Variants in AVPR1B observed in about 807,000 individuals in gnomAD.
AVPR1B encodes the protein arginine vasopressin receptor 1B, also known as vasopressin V1b receptor.
A neutral mutation model predicts 27.5 loss-of-function variants in AVPR1B; 25 were observed. The ratio of observed to expected loss-of-function variants is 0.91; its 90% CI spans 0.66 to 1.27. The LOEUF (loss-of-function observed/expected upper bound fraction) is 1.27. Ranked by LOEUF, AVPR1B falls within the 50% of genes most tolerant of loss-of-function variation. AVPR1B has a pLI of 0.00. For missense variants in AVPR1B, 595 were observed against 556.9 expected (o/e 1.07, Z -0.69); for synonymous variants, 248 against 240.2 (o/e 1.03, Z -0.30).
rs1663461011 is a variant in AVPR1B, at chr1:206,116,038, CA to C, written c.852del (p.Phe284LeufsTer97). 4 of 1,614,200 alleles carry C rather than the reference CA, an allele frequency of 2.5e-6. No homozygotes were observed. The highest frequency in any genetic ancestry group is 3.4e-6 in the Non-Finnish European group (4 of 1,180,044). On this transcript the variant is annotated frameshift_variant, in exon 1 of 2. Coordinates refer to ENST00000367126, the MANE Select transcript of AVPR1B (RefSeq NM_000707.5). LOFTEE classifies it high-confidence loss of function. Reference protein sequence around the residue: ...RAKIRTVKMTFVIVLAYIACW... With the variant: ...RAKIRTVKMTXVIVLAYIACW... ...CAAGCGATGTAGGCCAGCACGATGA[CA>C]AAGGTCATCTTCACTGTTCGGATCT...
In AVPR1B at chr1:206,107,590, T is replaced by C. The variant is rs34387163; in HGVS notation, c.*2599A>G. On this transcript the variant is annotated 3_prime_UTR_variant, in exon 2 of 2. Transcript: ENST00000367126. Reference sequence around the variant, plus strand: ...TCTGGAAAAGATCAAGTGTAGCCTTTCCATGGGAGGAACAATGAGGGCTCC... The same window carrying C: ...TCTGGAAAAGATCAAGTGTAGCCTTCCCATGGGAGGAACAATGAGGGCTCC... 7.2e-4 allele frequency among the ~76,000 whole-genome samples: 110 copies of C among 152,324 alleles called. 2 individuals are homozygous for C. The East Asian group carries it at 0.019, about 26-fold the overall frequency.
chr1:206,116,065 T>C lies in AVPR1B; in HGVS notation c.826A>G (p.Lys276Glu), dbSNP rs1553290450. Residue 276 changes from lysine (K) to glutamate (E), a missense_variant, in exon 1 of 2, where the codon AAG becomes GAG. Physicochemically the swap from Lys to Glu is moderately conservative, Grantham distance 56 (BLOSUM62 1). Transcript: ENST00000367126. ...AAGGTCATCTTCACTGTTCGGATCTTGGCCCGTGAGATGGTGTTGATGCTG... is the reference window on the plus strand; with the variant it reads ...AAGGTCATCTTCACTGTTCGGATCTCGGCCCGTGAGATGGTGTTGATGCTG... The part of the protein sequence containing the change: ...VSSINTISRA[K>E]IRTVKMTFVI... 1 of 1,614,084 alleles carries C rather than the reference T, an allele frequency of 6.2e-7. No homozygotes were observed. The highest frequency in any genetic ancestry group is 1.7e-5 in the Admixed American group (1 of 60,012).
chr1:206,112,992 G>C (rs141756992), intron 1 of AVPR1B, among the ~76,000 whole-genome samples: 4 of 152,140 alleles, frequency 2.6e-5, no homozygotes, highest in Non-Finnish European at 5.9e-5. Flanking sequence ...TACAAGTTGC[G>C]GAAGATTTGG....
chr1:206,116,961 A>G lies in AVPR1B; in HGVS notation c.-71T>C. 7.3e-7 allele frequency: 1 copy of G among 1,372,760 alleles called. No homozygotes were observed. Among genetic ancestry groups the G allele is most frequent in the African/African-American group, 1.4e-5 (1 of 69,234 alleles). 85.0% of individuals were successfully genotyped at this position (1,372,760 alleles called of 1,614,324 possible). A position where few individuals can be genotyped will look rare whatever the true frequency, so the allele number is the denominator to read the frequency against. On this transcript the variant is annotated 5_prime_UTR_variant, in exon 1 of 2. Coordinates refer to ENST00000367126, the MANE Select transcript of AVPR1B (RefSeq NM_000707.5). ...CAAGTGGAGAGGTTTGATGGATAAAATGGAGTGGCAGGGGAGGTGGAGAGA... is the reference window on the plus strand; with the variant it reads ...CAAGTGGAGAGGTTTGATGGATAAAGTGGAGTGGCAGGGGAGGTGGAGAGA...
Position 206,107,051 on chromosome 1 carries a change from T to A in AVPR1B, c.*3138A>T, listed in dbSNP as rs1663291113. 1.3e-5 allele frequency among the ~76,000 whole-genome samples: 2 copies of A among 152,208 alleles called. No individual in the cohort carries two copies. The highest frequency in any genetic ancestry group is 4.8e-5 in the African/African-American group (2 of 41,448). On this transcript the variant is annotated 3_prime_UTR_variant, in exon 2 of 2. Transcript: ENST00000367126. ...CCCTGTAGTAGATAAGTGATCTATT[T>A]ACATACAAAACACAGACACATTATC... is the stretch of plus-strand genomic sequence containing the variant.
intron 1 of AVPR1B, 38 bp downstream of exon 1, chr1:206,115,913 C>T: frequency 6.5e-7 from 1 of 1,548,270 alleles, no homozygotes; most frequent in South Asian, 1.2e-5. Context: ...CTCTTTCTGT[C>T]TCTCCCACCT....
rs1553289474 is a variant in AVPR1B, at chr1:206,109,935, G to GCAGGAC, written c.*248_*253dup. 1.9e-6 allele frequency: 1 copy of GCAGGAC among 527,370 alleles called. No individual in the cohort carries two copies. Among genetic ancestry groups the GCAGGAC allele is most frequent in the African/African-American group, 1.9e-5 (1 of 52,694 alleles). 32.7% of individuals were successfully genotyped at this position (527,370 alleles called of 1,614,324 possible). On this transcript the variant is annotated 3_prime_UTR_variant, in exon 2 of 2. Transcript: ENST00000367126. ...TGTGCATGGACACCCTATGAATATG[G>GCAGGAC]CAGGACCAGGGAGACAGGCAGTTTG...
At chr1:206,114,493 T>C (rs1553290243) in intron 1 of AVPR1B, among the ~76,000 whole-genome samples, 1 of 152,126 alleles carries the variant, frequency 6.6e-6, no homozygotes, top group African/African-American at 2.4e-5. Flanking sequence ...TTAGGCTGCC[T>C]AGACACAGCC....
rs1553289679 is a variant in AVPR1B, at chr1:206,110,484, C to T, written c.980G>A (p.Gly327Asp). Residue 327 changes from glycine to aspartate, a missense_variant, in exon 2 of 2, where the codon GGC becomes GAC. Physicochemically the swap from Gly to Asp is moderately conservative, Grantham distance 94 (BLOSUM62 -1). Coordinates refer to ENST00000367126, the MANE Select transcript of AVPR1B (RefSeq NM_000707.5). ...NVAFTISMLL[G>D]NLNSCCNPWI... ...GGGGTTGCAGCAGCTGTTGAGGTTG[C>T]CCAAAAGCATAGAGATGGTGAAAGC... 1.2e-6 allele frequency: 2 copies of T among 1,613,458 alleles called. No individual in the cohort carries two copies. The highest frequency in any genetic ancestry group is 3.3e-5 in the Admixed American group (2 of 59,956).
rs528952790 is a variant in AVPR1B at position 206,109,936 on chromosome 1, C to T, written c.*253G>A. The stretch of plus-strand genomic sequence containing the variant: ...GTGCATGGACACCCTATGAATATGG[C>T]AGGACCAGGGAGACAGGCAGTTTGA... On this transcript the variant is annotated 3_prime_UTR_variant, in exon 2 of 2. Transcript: ENST00000367126. 7.3e-4 allele frequency: 387 copies of T among 528,148 alleles called. 9 individuals are homozygous for T. In the South Asian group the frequency reaches 9.2e-3, roughly 13 times the overall value. The allele number at this position is 528,148 out of a possible 1,614,324, so 32.7% of individuals were successfully genotyped here.
intron 1 of AVPR1B, among the ~76,000 whole-genome samples, 168 bp from the exon 2 acceptor site, chr1:206,110,691 C>A (rs1392466816): frequency 6.6e-6 from 1 of 152,148 alleles, no homozygotes; most frequent in Admixed American, 6.5e-5. Flanking sequence ...GAGACTTGAA[C>A]CTGGGACTCC....
chr1:206,111,732 T>A (rs28575468), intron 1 of AVPR1B, among the ~76,000 whole-genome samples: 31,236 of 152,112 alleles, frequency 0.21, 4,562 homozygotes, highest in African/African-American at 0.41. Flanking sequence ...CTCGTGGATG[T>A]GGCAACTCAT....
In AVPR1B at chr1:206,110,522, A is replaced by C. The variant is rs782797619; in HGVS notation, c.942T>G (p.Asp314Glu). 2 of 1,604,100 alleles carry C rather than the reference A, an allele frequency of 1.2e-6. No individual in the cohort carries two copies. The highest frequency in any genetic ancestry group is 2.2e-5 in the East Asian group (1 of 44,714). ...AGATGGTGAAAGCCACATTGGTGGA[A>C]TCTACCAAGAGAGAAGCATGAGAAG... ...SVWDKNAPDE[D>E]STNVAFTISM... is the part of the protein sequence containing the mutation. Residue 314 changes from aspartate to glutamate, a missense_variant and splice_region_variant, in exon 2 of 2, where the codon GAT (aspartate) becomes GAG (glutamate). Coordinates refer to ENST00000367126, the MANE Select transcript of AVPR1B (RefSeq NM_000707.5).
chr1:206,117,141 T>C lies in AVPR1B; in HGVS notation c.-251A>G. On this transcript the variant is annotated 5_prime_UTR_variant, in exon 1 of 2. Transcript: ENST00000367126. ...GAGGGAGAAGGAGGGGTCAGGAAGA[T>C]GGGGAATCAGGACGGGAAGAATGGG... is the stretch of plus-strand genomic sequence containing the variant. 2.0e-6 allele frequency: 1 copy of C among 507,714 alleles called. No individual in the cohort carries two copies. Among genetic ancestry groups the C allele is most frequent in the East Asian group, 3.4e-5 (1 of 29,726 alleles). The allele number at this position is 507,714 out of a possible 1,614,324, so 31.5% of individuals were successfully genotyped here. A position where few individuals can be genotyped will look rare whatever the true frequency, so the allele number is the denominator to read the frequency against.
At position 206,110,333 on chromosome 1, in the gene AVPR1B, G is replaced by A. The variant is rs184284607; in HGVS notation, c.1131C>T (p.Thr377=). Residue 377 remains threonine, a synonymous_variant, in exon 2 of 2, where the codon ACC becomes ACT. Transcript: ENST00000367126. ...GGCAGCTGGAGCGGGTCAGCAGCGT[G>A]GTGTGGCGGCTCGAGAGGCTGCCGT... ...LSDGSLSSRH[T]TLLTRSSCPA... is the part of the protein sequence containing the mutation. 4 of 1,612,350 alleles carry A rather than the reference G, an allele frequency of 2.5e-6. No individual in the cohort carries two copies. The East Asian group carries it at 8.9e-5, about 36-fold the overall frequency.
At position 206,110,390 on chromosome 1, in the gene AVPR1B, AC is replaced by A. The variant is rs1368323273; in HGVS notation, c.1073del (p.Gly358ValfsTer23). ...RPLRHLACCG[G>X]PQPRMRRRLS... is the part of the protein sequence containing the mutation. The stretch of plus-strand genomic sequence containing the variant: ...GCCGCCGGCGCATCCTGGGCTGGGG[AC>A]CCCCACAGCAGGCAAGGTGACGCAG... On this transcript the variant is annotated frameshift_variant, in exon 2 of 2. Transcript: ENST00000367126. LOFTEE classifies it high-confidence loss of function. 4 of 1,611,806 alleles carry A rather than the reference AC, an allele frequency of 2.5e-6. No individual in the cohort carries two copies. Among genetic ancestry groups the A allele is most frequent in the East Asian group, 2.2e-5 (1 of 44,772 alleles).
rs148100343 is a variant in AVPR1B at position 206,109,744 on chromosome 1, C to T, written c.*445G>A. 387 of 165,386 alleles carry T rather than the reference C, an allele frequency of 2.3e-3. 2 individuals are homozygous for T. Among genetic ancestry groups the T allele is most frequent in the African/African-American group, 8.9e-3 (372 of 42,010 alleles). The allele number at this position is 165,386 out of a possible 1,614,324, so 10.2% of individuals were successfully genotyped here. On this transcript the variant is annotated 3_prime_UTR_variant, in exon 2 of 2. Transcript: ENST00000367126. ...ACAAATCCAGGATCCAAATAGAGTC[C>T]TCCTCACGGTTTTTCACTTCTCCCC...
chr1:206,108,318 C>T lies in AVPR1B; in HGVS notation c.*1871G>A, dbSNP rs28401652. On this transcript the variant is annotated 3_prime_UTR_variant, in exon 2 of 2. Coordinates refer to ENST00000367126, the MANE Select transcript of AVPR1B (RefSeq NM_000707.5). ...TCCTCCCATCTGCCTGAGCCTTGGT[C>T]CCATTAGGGTCTCACTCTCCAGTTC... Among the ~76,000 whole-genome samples the T allele has an allele frequency of 0.046, 6,982 of 152,258 alleles. 565 individuals carry two copies. The highest frequency in any genetic ancestry group is 0.16 in the African/African-American group (6,637 of 41,520).
At position 206,110,069 on chromosome 1, in the gene AVPR1B, C is replaced by T; in HGVS notation, c.*120G>A. ...GACCCATTCTGGCCTTTTCGCTCCGCTTTAGACAGGGCTCCTCTAACTCCA... is the reference window on the plus strand; with the variant it reads ...GACCCATTCTGGCCTTTTCGCTCCGTTTTAGACAGGGCTCCTCTAACTCCA... On this transcript the variant is annotated 3_prime_UTR_variant, in exon 2 of 2. Transcript: ENST00000367126. 8.0e-7 allele frequency: 1 copy of T among 1,245,182 alleles called. No homozygotes were observed. The highest frequency in any genetic ancestry group is 1.1e-6 in the Non-Finnish European group (1 of 910,024). 77.1% of individuals were successfully genotyped at this position (1,245,182 alleles called of 1,614,324 possible).
Sources: allele counts gnomAD v4.1 joint callset (sites outside exome capture counted in the v4.1 genomes callset), GRCh38; gene constraint gnomAD v4.1.1; transcripts MANE v1.5; gene names NCBI Gene and HGNC (gene_info 2026-07-23, HGNC 2026-07-21).